The following CTNNA2 variants were observed in gnomAD, a reference collection of about 807,000 sequenced individuals.
CTNNA2 encodes catenin alpha 2.
In CTNNA2, 42 loss-of-function variants were observed where a neutral mutation model predicts 101.0. That is an observed-to-expected ratio of 0.42 (90% CI 0.32 to 0.54). The LOEUF (loss-of-function observed/expected upper bound fraction) is 0.54. CTNNA2 is among the 20% of genes least tolerant of loss of function. CTNNA2 has a pLI of 0.14. For synonymous variants in CTNNA2, 450 were observed against 456.4 expected (o/e 0.99, Z 0.18); for missense variants, 871 against 1,223.1 (o/e 0.71, Z 4.29).
At chr2:79,827,040 TTTTTG>T in intron 3 of CTNNA2, among the ~76,000 whole-genome samples, 1 of 152,092 alleles carries the variant, frequency 6.6e-6, no homozygotes, top group African/African-American at 2.4e-5. Flanking sequence ...CTGTAATTTT[TTTTTG>T]TTTTGTTTTT....
chr2:80,172,453 G>A (rs1392780905), intron 7 of CTNNA2, among the ~76,000 whole-genome samples: 1 of 152,150 alleles, frequency 6.6e-6, no homozygotes, highest in African/African-American at 2.4e-5. Flanking sequence ...AAGGTATGGT[G>A]TCCTCTTTTA....
rs76809365 is a variant in CTNNA2 at position 80,184,437 on chromosome 2, A to G, written c.1057-208774A>G. ...ATTGCTTCACAGTGGTAAGAGTATA[A>G]ATGATGGAATCATAGCTTTATAGTG... On this transcript the variant is annotated intron_variant, in intron 7 of 18. Coordinates refer to ENST00000402739, the MANE Select transcript of CTNNA2 (RefSeq NM_001282597.3). Among the ~76,000 whole-genome samples, 41 of 152,320 alleles carry G rather than the reference A, an allele frequency of 2.7e-4. 1 individual carries two copies. In the East Asian group the frequency reaches 7.9e-3, roughly 29 times the overall value.
chr2:80,442,533 C>T (rs532462808), intron 9 of CTNNA2, among the ~76,000 whole-genome samples: 78 of 152,308 alleles, frequency 5.1e-4, no homozygotes, highest in Non-Finnish European at 9.1e-4. Context: ...CCTTAATACA[C>T]GCACCACTTC....
chr2:79,765,174 G>A (rs1277381615), intron 3 of CTNNA2, among the ~76,000 whole-genome samples: 1 of 152,198 alleles, frequency 6.6e-6, no homozygotes, highest in Admixed American at 6.5e-5. Flanking sequence ...AAGACGAAAT[G>A]AGGTAATATA....
intron 2 of CTNNA2, among the ~76,000 whole-genome samples, chr2:79,291,827 A>G (rs1359912294): frequency 6.6e-6 from 1 of 152,224 alleles, no homozygotes; most frequent in East Asian, 1.9e-4. Flanking sequence ...TATTTATTAC[A>G]TACATATTCA....
Position 80,302,854 on chromosome 2 carries a change from C to A in CTNNA2, c.1057-90357C>A. 1 of 1,614,152 alleles carries A rather than the reference C, an allele frequency of 6.2e-7. No homozygotes were observed. The highest frequency in any genetic ancestry group is 2.2e-5 in the East Asian group (1 of 44,876). On this transcript the variant is annotated intron_variant, in intron 7 of 18. Transcript: ENST00000402739. This position sits in a 1 kb window ranked among gnomAD's most constrained non-coding sequence, Gnocchi z 6.4. ...TGTTGAGCCACGAGGCTAGGGCACA[C>A]ACGTTGCGCCCGCAATCCCACAGGT...
chr2:80,431,096 T>A (rs1407550345), intron 9 of CTNNA2, among the ~76,000 whole-genome samples: 7 of 152,156 alleles, frequency 4.6e-5, no homozygotes, highest in Non-Finnish European at 7.3e-5. Flanking sequence ...CTCTGAGGGA[T>A]TTTTAATGTC....
chr2:80,400,012 A>C (rs991725449), intron 8 of CTNNA2, among the ~76,000 whole-genome samples: 2 of 152,174 alleles, frequency 1.3e-5, no homozygotes, highest in Non-Finnish European at 2.9e-5. Context: ...TGGGATTCTT[A>C]TCCAAAACTG....
intron 7 of CTNNA2, among the ~76,000 whole-genome samples, chr2:79,916,310 G>T (rs1024431308): frequency 6.6e-6 from 1 of 152,026 alleles, no homozygotes; most frequent in Non-Finnish European, 1.5e-5. Context: ...TCATTCAAGG[G>T]GAAGAGTCCT....
At chr2:79,328,816 C>G (rs758049583) in intron 3 of CTNNA2, among the ~76,000 whole-genome samples, 10 of 152,170 alleles carry the variant, frequency 6.6e-5, no homozygotes, top group Non-Finnish European at 1.5e-4. Context: ...GTTCTGGTGA[C>G]TGGAAGTCGG....
intron 4 of CTNNA2, among the ~76,000 whole-genome samples, chr2:79,869,264 C>T (rs901848526): frequency 6.6e-6 from 1 of 152,172 alleles, no homozygotes; most frequent in South Asian, 2.1e-4. Context: ...ACTTCAAATT[C>T]ACTTGCTTTC....
rs984952635 is a variant in CTNNA2, at chr2:79,420,160, A to G, written c.-135+46147A>G. Among the ~76,000 whole-genome samples the G allele has an allele frequency of 3.9e-5, 6 of 152,172 alleles. No individual in the cohort carries two copies. The South Asian group carries it at 1.2e-3, about 32-fold the overall frequency. ...GGGTCCCTGGAAACTGCTGAGTCAAAAAAGTGACAAAAGACAGCAAGAGCC... is the reference window on the plus strand; with the variant it reads ...GGGTCCCTGGAAACTGCTGAGTCAAGAAAGTGACAAAAGACAGCAAGAGCC... On this transcript the variant is annotated intron_variant, in intron 4 of 21. Transcript: ENST00000466387.
At chr2:79,882,240 T>G (rs1358158548) in intron 6 of CTNNA2, among the ~76,000 whole-genome samples, 1 of 152,172 alleles carries the variant, frequency 6.6e-6, no homozygotes, top group Non-Finnish European at 1.5e-5. Context: ...CCCTTAACAT[T>G]TTTTCCTTCA....
At chr2:80,307,089 C>T (rs2149219327) in intron 7 of CTNNA2, among the ~76,000 whole-genome samples, 1 of 149,164 alleles carries the variant, frequency 6.7e-6, no homozygotes, top group Non-Finnish European at 1.5e-5. Context: ...CTATATATTG[C>T]TTTTTGCATT....
intron 7 of CTNNA2, among the ~76,000 whole-genome samples, chr2:80,269,604 G>T (rs1412918977): frequency 1.3e-5 from 2 of 151,882 alleles, no homozygotes; most frequent in African/African-American, 4.8e-5. Context: ...GCTGTTATAT[G>T]TTTCTATCAA....
intron 16 of CTNNA2, 109 bp from the exon 17 acceptor site, chr2:80,608,075 A>G: frequency 1.0e-6 from 1 of 986,002 alleles, no homozygotes; most frequent in Non-Finnish European, 1.4e-6. Flanking sequence ...AAATGAATGT[A>G]ATTAAGGTAT....
intron 7 of CTNNA2, among the ~76,000 whole-genome samples, chr2:79,945,661 C>A (rs1688443089): frequency 6.6e-6 from 1 of 152,120 alleles, no homozygotes; most frequent in Admixed American, 6.5e-5. Flanking sequence ...TATCCATTTA[C>A]TTCTGTATCT....
chr2:79,556,525 A>G (rs887958681), intron 1 of CTNNA2, among the ~76,000 whole-genome samples: 20 of 152,048 alleles, frequency 1.3e-4, no homozygotes, highest in African/African-American at 4.6e-4. Context: ...TTTGAATTGA[A>G]GCCAGTCCCC....
chr2:79,387,620 C>A (rs1467696948), intron 4 of CTNNA2, among the ~76,000 whole-genome samples: 1 of 152,196 alleles, frequency 6.6e-6, no homozygotes, highest in African/African-American at 2.4e-5. Context: ...CACAGGTTGG[C>A]ACCGACACTT....
Sources: gnomAD v4.1 joint callset for allele counts (sites outside exome capture counted in the v4.1 genomes callset) on GRCh38, gnomAD v4.1.1 for gene constraint, Gnocchi (gnomAD v3.1) non-coding constraint, MANE v1.5 for transcripts, NCBI Gene and HGNC (gene_info 2026-07-23, HGNC 2026-07-21) for gene names.